Variants in PTPRD observed in about 807,000 individuals in gnomAD.
The protein encoded by PTPRD is receptor-type tyrosine-protein phosphatase delta.
A neutral mutation model predicts 214.5 loss-of-function variants in PTPRD; 34 were observed. The ratio of observed to expected loss-of-function variants is 0.16; its 90% confidence interval spans 0.12 to 0.21. The LOEUF is 0.21. Among genes scored for constraint, PTPRD ranks in the 10% least tolerant of loss-of-function variants. The probability of loss-of-function intolerance (pLI) is 1.00; values close to 1 mark genes in which losing one functional copy is unlikely to be tolerated. For missense variants in PTPRD, 2,545 were observed against 2,398.7 expected (o/e 1.06, Z -1.27); for synonymous variants, 1,128 against 845.7 (o/e 1.33, Z -5.79).
intron 11 of PTPRD, among the ~76,000 whole-genome samples, chr9:8,771,562 C>T (rs1045602440): frequency 6.6e-6 from 1 of 151,994 alleles, no homozygotes; most frequent in Admixed American, 6.6e-5. Context: ...CATAAATTTC[C>T]AATGTAAATT....
chr9:9,675,627 C>A (rs928954411), intron 7 of PTPRD, among the ~76,000 whole-genome samples: 1 of 151,574 alleles, frequency 6.6e-6, no homozygotes, highest in Non-Finnish European at 1.5e-5. Flanking sequence ...AATTTGAAAA[C>A]AGATGAAAAA....
At chr9:9,082,440 G>A (rs1368896860) in intron 10 of PTPRD, among the ~76,000 whole-genome samples, 1 of 152,004 alleles carries the variant, frequency 6.6e-6, no homozygotes, top group Non-Finnish European at 1.5e-5. Flanking sequence ...ACTAGGTATT[G>A]ATGGAATGTA....
chr9:8,322,570 T>C lies in PTPRD; in HGVS notation c.5535-2604A>G, dbSNP rs192810625. 3.4e-3 allele frequency among the ~76,000 whole-genome samples: 518 copies of C among 152,256 alleles called. 4 individuals are homozygous for C. Among genetic ancestry groups the C allele is most frequent in the African/African-American group, 0.012 (484 of 41,552 alleles). On this transcript the variant is annotated intron_variant, in intron 44 of 45. Transcript: ENST00000381196. Reference sequence around the variant, plus strand: ...TATGAAGGCTGGGAGGTGAGGAGGCTGCAGAAGAAAAGTTTGAAGTTAGCA... The same window carrying C: ...TATGAAGGCTGGGAGGTGAGGAGGCCGCAGAAGAAAAGTTTGAAGTTAGCA...
chr9:9,685,212 A>G (rs147291644), intron 7 of PTPRD, among the ~76,000 whole-genome samples: 1 of 149,982 alleles, frequency 6.7e-6, no homozygotes, highest in African/African-American at 2.5e-5. Flanking sequence ...ATGAGTACAT[A>G]CAATCATTAA....
chr9:9,420,360 A>G (rs1156233988), intron 8 of PTPRD, among the ~76,000 whole-genome samples: 1 of 151,826 alleles, frequency 6.6e-6, no homozygotes, highest in African/African-American at 2.4e-5. Context: ...GAAAATAGGT[A>G]GTAAAGGATT....
chr9:8,738,203 C>G (rs1443513393), intron 11 of PTPRD, among the ~76,000 whole-genome samples: 1 of 152,090 alleles, frequency 6.6e-6, no homozygotes, highest in East Asian at 1.9e-4. Context: ...AATGGAACAA[C>G]AAAGAGCGCA....
intron 2 of PTPRD, among the ~76,000 whole-genome samples, chr9:10,482,100 G>C (rs554491765): frequency 8.5e-5 from 13 of 152,128 alleles, no homozygotes; most frequent in Non-Finnish European, 1.5e-4. Flanking sequence ...GGCCGGGCGC[G>C]GTGGCTCACG....
At chr9:9,477,599 G>A (rs979211621) in intron 8 of PTPRD, among the ~76,000 whole-genome samples, 5 of 152,018 alleles carry the variant, frequency 3.3e-5, no homozygotes, top group East Asian at 1.9e-4. Context: ...AGTTGAAAGG[G>A]TAAGACCCAA....
At chr9:10,340,465 G>GT (rs1384207199) in intron 3 of PTPRD, among the ~76,000 whole-genome samples, 1 of 151,712 alleles carries the variant, frequency 6.6e-6, no homozygotes, top group African/African-American at 2.4e-5. Context: ...GTCTCTTTTT[G>GT]TTTTTTGTTT....
At chr9:9,877,074 G>T (rs939072784) in intron 5 of PTPRD, among the ~76,000 whole-genome samples, 1 of 152,036 alleles carries the variant, frequency 6.6e-6, no homozygotes, top group African/African-American at 2.4e-5. Flanking sequence ...CAGAATTCAA[G>T]CATCCAGGCA....
intron 8 of PTPRD, among the ~76,000 whole-genome samples, chr9:9,524,983 G>A (rs889148125): frequency 3.3e-5 from 5 of 152,174 alleles, no homozygotes; most frequent in Admixed American, 1.3e-4. Context: ...TCAGCCTCCC[G>A]AGTAGCGGGG....
chr9:8,900,657 T>C lies in PTPRD; in HGVS notation c.-104+118040A>G, dbSNP rs557086922. ...GGTCATGATGCTGTAGTAATGATAGTATAGCAGTATGAGTGACATAAGGTC... is the reference window on the plus strand; with the variant it reads ...GGTCATGATGCTGTAGTAATGATAGCATAGCAGTATGAGTGACATAAGGTC... On this transcript the variant is annotated intron_variant, in intron 11 of 45. Transcript: ENST00000381196. Among the ~76,000 whole-genome samples the C allele has an allele frequency of 2.6e-5, 4 of 152,296 alleles. No individual in the cohort carries two copies. In the South Asian group the frequency reaches 8.3e-4, roughly 32 times the overall value.
chr9:9,332,616 C>T (rs896857285), intron 9 of PTPRD, among the ~76,000 whole-genome samples: 2 of 151,054 alleles, frequency 1.3e-5, no homozygotes, highest in Non-Finnish European at 2.9e-5. Context: ...TTGGGAGTCT[C>T]TCCCCAGGAT....
intron 8 of PTPRD, among the ~76,000 whole-genome samples, chr9:9,533,410 A>G (rs1357024442): frequency 6.6e-6 from 1 of 152,092 alleles, no homozygotes; most frequent in African/African-American, 2.4e-5. Context: ...AAGATCAAAG[A>G]AATGATTTGA....
At chr9:9,068,406 T>G (rs556989392) in intron 10 of PTPRD, among the ~76,000 whole-genome samples, 227 of 152,330 alleles carry the variant, frequency 1.5e-3, no homozygotes, top group Non-Finnish European at 2.4e-3. Flanking sequence ...TGTTTACTTT[T>G]ATAAGAAACT....
chr9:9,964,564 C>G (rs567703554), intron 4 of PTPRD, among the ~76,000 whole-genome samples: 4 of 152,108 alleles, frequency 2.6e-5, no homozygotes, highest in African/African-American at 4.8e-5. Context: ...ATCCTCTTGA[C>G]GTGGGTTAGG....
intron 9 of PTPRD, among the ~76,000 whole-genome samples, chr9:9,334,168 C>A (rs1027096526): frequency 1.3e-5 from 2 of 151,936 alleles, no homozygotes. Flanking sequence ...TTACTTAAGT[C>A]TCACTCCAAA....
At chr9:10,305,083 A>T (rs1235000237) in intron 3 of PTPRD, among the ~76,000 whole-genome samples, 2 of 152,156 alleles carry the variant, frequency 1.3e-5, no homozygotes, top group Non-Finnish European at 2.9e-5. Context: ...CAGAACAGAG[A>T]CTTCAGAAAT....
intron 9 of PTPRD, among the ~76,000 whole-genome samples, chr9:9,336,631 T>C (rs1354533530): frequency 3.3e-5 from 5 of 152,148 alleles, no homozygotes; most frequent in Non-Finnish European, 5.9e-5. Flanking sequence ...ATGCTTTGTA[T>C]ACAAAACCAC....
Sources: gnomAD v4.1 joint callset for allele counts (sites outside exome capture counted in the v4.1 genomes callset) on GRCh38, gnomAD v4.1.1 for gene constraint, MANE v1.5 for transcripts, NCBI Gene and HGNC (gene_info 2026-07-23, HGNC 2026-07-21) for gene names.